Variants in MCC observed in about 807,000 individuals in gnomAD.
MCC encodes the protein colorectal mutant cancer protein.
MCC carries 90 observed loss-of-function variants against 116.2 expected under a neutral mutation model. The ratio of observed to expected loss-of-function variants is 0.77; its 90% CI spans 0.65 to 0.92. The LOEUF (loss-of-function observed/expected upper bound fraction) is 0.92. Among genes scored for constraint, MCC ranks in the 40% least tolerant of loss-of-function variants. The pLI is 0.00. For missense variants in MCC, 1,516 were observed against 1,312.2 expected, an observed-to-expected ratio of 1.16 and a Z score of -2.40; for synonymous variants, 578 against 510.5, an observed-to-expected ratio of 1.13 and a Z score of -1.78.
At chr5:113,443,178 G>A (rs1215202653) in intron 1 of MCC, among the ~76,000 whole-genome samples, 1 of 152,116 alleles carries the variant, frequency 6.6e-6, no homozygotes, top group Non-Finnish European at 1.5e-5. Flanking sequence ...TTCCTTGAGT[G>A]GTGGTTTGTA....
intron 3 of MCC, among the ~76,000 whole-genome samples, chr5:113,231,171 G>C (rs1441222348): frequency 6.6e-6 from 1 of 151,952 alleles, no homozygotes; most frequent in African/African-American, 2.4e-5. Flanking sequence ...TTTTTGTTTT[G>C]TTTTTTACTG....
chr5:113,484,170 A>T (rs572079220), intron 1 of MCC, among the ~76,000 whole-genome samples: 2 of 152,288 alleles, frequency 1.3e-5, no homozygotes, highest in South Asian at 4.1e-4. Context: ...CTTAGTACCC[A>T]TAACTAATGG....
At chr5:113,304,782 G>C (rs1766944868) in intron 3 of MCC, among the ~76,000 whole-genome samples, 1 of 152,010 alleles carries the variant, frequency 6.6e-6, no homozygotes, top group Admixed American at 6.6e-5. Context: ...AAAAAGTTTT[G>C]AGTCCTCCCA....
chr5:113,488,368 C>T lies in MCC; in HGVS notation c.47G>A (p.Gly16Asp), dbSNP rs1329395753. 2.0e-6 allele frequency: 3 copies of T among 1,520,240 alleles called. No homozygotes were observed. The highest frequency in any genetic ancestry group is 2.5e-5 in the South Asian group (2 of 80,264). The allele number at this position is 1,520,240 out of a possible 1,614,324, so 94.2% of individuals were successfully genotyped here. A position where few individuals can be genotyped will look rare whatever the true frequency, so the allele number is the denominator to read the frequency against. ...AAAAAGSSSSGGGGGGSGSSS... is the reference protein window; with the variant it reads ...AAAAAGSSSSDGGGGGSGSSS... ...GCTGCCGCTGCCGCCGCCGCCGCCG[C>T]CGCTGCTGGAGCTCCCCGCAGCCGC... The change falls in exon 1 of 19, where the codon GGC becomes GAC. Residue 16 changes from glycine (G) to aspartate (D), a missense_variant. Gly to Asp is a moderately conservative substitution (Grantham distance 94). Transcript: ENST00000408903.
rs561459775 is a variant in MCC, at chr5:113,043,571, G to C, written c.2715C>G (p.Ser905Arg). The change falls in exon 17 of 19, where the codon AGC becomes AGG. Residue 905 changes from serine (S) to arginine (R), a missense_variant. Physicochemically the swap from Ser to Arg is moderately radical, Grantham distance 110 (BLOSUM62 -1). Transcript: ENST00000408903. ...LSLAELRTTC[S>R]ENELAAEFTN... Reference sequence around the variant, plus strand: ...TGAACTCCGCAGCCAGCTCATTCTCGCTGCACGTTGTCCTGAGTTCGGCTA... The same window carrying C: ...TGAACTCCGCAGCCAGCTCATTCTCCCTGCACGTTGTCCTGAGTTCGGCTA... 1 of 1,614,142 alleles carries C rather than the reference G, an allele frequency of 6.2e-7. No homozygotes were observed. Among genetic ancestry groups the C allele is most frequent in the East Asian group, 2.2e-5 (1 of 44,884 alleles).
chr5:113,295,892 C>G (rs1037652854), intron 3 of MCC, among the ~76,000 whole-genome samples: 1 of 152,152 alleles, frequency 6.6e-6, no homozygotes, highest in Admixed American at 6.5e-5. Context: ...GTCTCCATCC[C>G]CAATAACAGA....
intron 1 of MCC, among the ~76,000 whole-genome samples, chr5:113,457,269 A>T (rs1203524268): frequency 6.6e-6 from 1 of 152,222 alleles, no homozygotes; most frequent in Non-Finnish European, 1.5e-5. Context: ...GCCCCAGGCA[A>T]TGAGGGACTT....
At chr5:113,450,972 A>G (rs146410835) in intron 1 of MCC, among the ~76,000 whole-genome samples, 17 of 150,974 alleles carry the variant, frequency 1.1e-4, no homozygotes, top group Non-Finnish European at 1.6e-4. Flanking sequence ...CTTTTTTTTC[A>G]CCCCCATTCT....
chr5:113,278,632 T>G (rs567180304), intron 3 of MCC, among the ~76,000 whole-genome samples: 2 of 152,228 alleles, frequency 1.3e-5, no homozygotes, highest in African/African-American at 4.8e-5. Context: ...ATAGCAAATG[T>G]GAAGTTGTGA....
At chr5:113,158,815 C>T (rs1192105288) in intron 3 of MCC, among the ~76,000 whole-genome samples, 1 of 152,236 alleles carries the variant, frequency 6.6e-6, no homozygotes, top group Non-Finnish European at 1.5e-5. Flanking sequence ...GAGATAATAA[C>T]ACACAAGGAC....
At chr5:113,202,199 G>C (rs949521582) in intron 3 of MCC, among the ~76,000 whole-genome samples, 8 of 151,626 alleles carry the variant, frequency 5.3e-5, no homozygotes, top group African/African-American at 1.7e-4. Context: ...TCAATGTTCA[G>C]TTTTGCAAAA....
intron 3 of MCC, among the ~76,000 whole-genome samples, chr5:113,220,030 T>C (rs946550811): frequency 6.6e-6 from 1 of 150,778 alleles, no homozygotes; most frequent in African/African-American, 2.4e-5. Flanking sequence ...CATTTCCATG[T>C]TAACTTTGGA....
intron 2 of MCC, among the ~76,000 whole-genome samples, chr5:113,367,629 T>TG (rs796884870): frequency 0.37 from 18,604 of 50,380 alleles, 2,085 homozygotes; most frequent in Admixed American, 0.51. Context: ...AGGCAGAGGG[T>TG]GGGGGGGGGG....
intron 3 of MCC, among the ~76,000 whole-genome samples, chr5:113,214,819 T>C (rs1027357305): frequency 6.6e-6 from 1 of 152,152 alleles, no homozygotes; most frequent in African/African-American, 2.4e-5. Context: ...ATGTAAAAAA[T>C]ATCAGACAAT....
At chr5:113,361,093 C>T (rs914347410) in intron 2 of MCC, among the ~76,000 whole-genome samples, 1 of 152,142 alleles carries the variant, frequency 6.6e-6, no homozygotes, top group Non-Finnish European at 1.5e-5. Flanking sequence ...CAGAGCCTTC[C>T]TAGACTCCAT....
intron 3 of MCC, among the ~76,000 whole-genome samples, chr5:113,268,677 T>C (rs184247467): frequency 1.3e-5 from 2 of 152,262 alleles, no homozygotes; most frequent in Non-Finnish European, 2.9e-5. Flanking sequence ...AAATTTACTA[T>C]CTAATTTAAC....
At chr5:113,466,071 G>T (rs1014650957) in intron 1 of MCC, among the ~76,000 whole-genome samples, 2 of 152,076 alleles carry the variant, frequency 1.3e-5, no homozygotes, top group African/African-American at 4.8e-5. Flanking sequence ...TGGGTAGATG[G>T]GACTATAGGG....
At chr5:113,277,669 C>T (rs1447888322) in intron 3 of MCC, among the ~76,000 whole-genome samples, 2 of 152,168 alleles carry the variant, frequency 1.3e-5, no homozygotes, top group African/African-American at 4.8e-5. Flanking sequence ...ACATAAAATG[C>T]TAGAAGACAG....
intron 1 of MCC, among the ~76,000 whole-genome samples, chr5:113,430,036 T>G (rs928712665): frequency 6.6e-6 from 1 of 152,170 alleles, no homozygotes; most frequent in African/African-American, 2.4e-5. Context: ...GAAGAAACCA[T>G]GGGGATTAGC....
Sources: gnomAD v4.1 joint callset for allele counts (sites outside exome capture counted in the v4.1 genomes callset) on GRCh38, gnomAD v4.1.1 for gene constraint, MANE v1.5 for transcripts, NCBI Gene and HGNC (gene_info 2026-07-23, HGNC 2026-07-21) for gene names.